LRRC8D: variants seen among roughly 807,000 people sequenced by gnomAD.
LRRC8D encodes volume-regulated anion channel subunit LRRC8D.
Under a neutral mutation model 55.8 loss-of-function variants are expected in LRRC8D, and 20 were observed. The observed-to-expected ratio is 0.36, with a 90% CI of 0.25 to 0.52. The LOEUF (loss-of-function observed/expected upper bound fraction) is 0.52, where lower values mean the gene tolerates loss of function less well. Ranked by LOEUF, LRRC8D falls within the 20% of genes least tolerant of loss-of-function variation. The pLI, the probability that LRRC8D is intolerant of heterozygous loss-of-function variation, is 0.93. For synonymous variants in LRRC8D, 352 were observed against 377.0 expected (o/e 0.93, Z 0.77); for missense variants, 651 against 1,030.8 (o/e 0.63, Z 5.05).
At chr1:89,877,874 A>G (rs1490934373) in intron 2 of LRRC8D, among the ~76,000 whole-genome samples, 1 of 152,220 alleles carries the variant, frequency 6.6e-6, no homozygotes, top group Non-Finnish European at 1.5e-5. Context: ...AATCATAGTA[A>G]TATTTGAAAG....
At chr1:89,863,308 T>TA (rs1661766634) in intron 2 of LRRC8D, among the ~76,000 whole-genome samples, 1 of 152,208 alleles carries the variant, frequency 6.6e-6, no homozygotes, top group African/African-American at 2.4e-5. Context: ...GCTGCCCATG[T>TA]AGTCTTCTGG....
At chr1:89,914,022 A>T (rs1224336233) in intron 2 of LRRC8D, among the ~76,000 whole-genome samples, 3 of 152,200 alleles carry the variant, frequency 2.0e-5, no homozygotes, top group African/African-American at 7.2e-5. Flanking sequence ...GTTTATGCCA[A>T]TTTCATCTCT....
intron 2 of LRRC8D, among the ~76,000 whole-genome samples, chr1:89,899,088 A>G (rs115100954): frequency 0.013 from 2,056 of 152,348 alleles, 46 homozygotes; most frequent in African/African-American, 0.047. Flanking sequence ...TTCTGGCTGC[A>G]TACTACAGTT....
rs939594173 is a variant in LRRC8D at position 89,877,422 on chromosome 1, T to C, written c.-3+33640T>C. 2.4e-4 allele frequency among the ~76,000 whole-genome samples: 36 copies of C among 152,244 alleles called. 1 individual carries two copies. The highest frequency in any genetic ancestry group is 8.7e-4 in the African/African-American group (36 of 41,468). On this transcript the variant is annotated intron_variant, in intron 2 of 2. Transcript: ENST00000337338. ...TTTAAGTGTGTATGTGCTTTAAAAATACCTTGCACATAGTAAAAGCTTTGT... is the reference window on the plus strand; with the variant it reads ...TTTAAGTGTGTATGTGCTTTAAAAACACCTTGCACATAGTAAAAGCTTTGT...
intron 2 of LRRC8D, among the ~76,000 whole-genome samples, chr1:89,921,248 G>GAATC (rs1394317092): frequency 6.6e-6 from 1 of 152,086 alleles, no homozygotes; most frequent in Non-Finnish European, 1.5e-5. Flanking sequence ...TGAGGTAGGA[G>GAATC]AATCACCTGA....
intron 2 of LRRC8D, among the ~76,000 whole-genome samples, chr1:89,892,104 G>A (rs1455486475): frequency 1.3e-5 from 2 of 152,198 alleles, no homozygotes; most frequent in African/African-American, 2.4e-5. Flanking sequence ...TTCACATTCT[G>A]ATAATTGTTC....
At chr1:89,885,744 G>C (rs1662402087) in intron 2 of LRRC8D, among the ~76,000 whole-genome samples, 1 of 152,164 alleles carries the variant, frequency 6.6e-6, no homozygotes, top group Non-Finnish European at 1.5e-5. Context: ...TTGTGCTTGG[G>C]CATCAGTGAA....
intron 2 of LRRC8D, among the ~76,000 whole-genome samples, chr1:89,929,405 A>G (rs555650849): frequency 6.6e-6 from 1 of 152,332 alleles, no homozygotes; most frequent in East Asian, 1.9e-4. Context: ...CCTGGAACAG[A>G]GAGAGCCTGA....
intron 2 of LRRC8D, among the ~76,000 whole-genome samples, chr1:89,912,825 A>G (rs752472907): frequency 2.6e-5 from 4 of 152,342 alleles, no homozygotes; most frequent in South Asian, 2.1e-4. Flanking sequence ...ACTTGTATTT[A>G]TAAACAAGGA....
At chr1:89,925,528 A>G (rs1165646690) in intron 2 of LRRC8D, among the ~76,000 whole-genome samples, 1 of 152,194 alleles carries the variant, frequency 6.6e-6, no homozygotes, top group Non-Finnish European at 1.5e-5. Flanking sequence ...GGGATCATTC[A>G]TACATCAAGC....
intron 2 of LRRC8D, among the ~76,000 whole-genome samples, chr1:89,868,376 C>T (rs1661905905): frequency 6.6e-6 from 1 of 152,168 alleles, no homozygotes; most frequent in African/African-American, 2.4e-5. Flanking sequence ...GGGTTAAATT[C>T]TTAAAGCTAC....
At chr1:89,892,561 C>T (rs1194879449) in intron 2 of LRRC8D, among the ~76,000 whole-genome samples, 1 of 152,112 alleles carries the variant, frequency 6.6e-6, no homozygotes, top group Non-Finnish European at 1.5e-5. Flanking sequence ...CTCTGTCGCC[C>T]AGGCTGGAGT....
At chr1:89,889,944 T>C (rs918282949) in intron 2 of LRRC8D, among the ~76,000 whole-genome samples, 2 of 151,876 alleles carry the variant, frequency 1.3e-5, no homozygotes, top group African/African-American at 4.8e-5. Flanking sequence ...TCCCAGCACT[T>C]TGGGAGGCCG....
At chr1:89,924,238 T>A (rs1663496486) in intron 2 of LRRC8D, among the ~76,000 whole-genome samples, 1 of 151,744 alleles carries the variant, frequency 6.6e-6, no homozygotes, top group African/African-American at 2.4e-5. Context: ...CAAAAAACAA[T>A]CCCATTAAGA....
intron 1 of LRRC8D, among the ~76,000 whole-genome samples, chr1:89,839,388 C>T (rs1040809719): frequency 6.6e-6 from 1 of 152,208 alleles, no homozygotes; most frequent in Non-Finnish European, 1.5e-5. Flanking sequence ...CTGGCCCTAC[C>T]TGCCTGGTGG....
At chr1:89,838,492 G>A (rs1161796814) in intron 1 of LRRC8D, among the ~76,000 whole-genome samples, 2 of 152,202 alleles carry the variant, frequency 1.3e-5, no homozygotes, top group African/African-American at 4.8e-5. Flanking sequence ...AAAGAAGAAT[G>A]AATTATAGGA....
intron 2 of LRRC8D, among the ~76,000 whole-genome samples, chr1:89,925,646 T>C (rs1663540819): frequency 1.3e-5 from 2 of 152,362 alleles, no homozygotes; most frequent in Non-Finnish European, 1.5e-5. Context: ...TATATAAATA[T>C]GTGTTAAATA....
At chr1:89,825,909 C>G (rs553402392) in intron 1 of LRRC8D, among the ~76,000 whole-genome samples, 8 of 152,280 alleles carry the variant, frequency 5.3e-5, no homozygotes, top group African/African-American at 1.9e-4. Context: ...AGGAAAATTT[C>G]AAATCTCATG....
intron 2 of LRRC8D, among the ~76,000 whole-genome samples, chr1:89,867,609 T>C (rs1661884177): frequency 6.6e-6 from 1 of 152,234 alleles, no homozygotes; most frequent in Non-Finnish European, 1.5e-5. Context: ...ATTTTCATTT[T>C]TCTTGCGTGT....
Sources: gnomAD v4.1 joint callset for allele counts (sites outside exome capture counted in the v4.1 genomes callset) on GRCh38, gnomAD v4.1.1 for gene constraint, MANE v1.5 for transcripts, NCBI Gene and HGNC (gene_info 2026-07-23, HGNC 2026-07-21) for gene names.